Variants in WDR11 observed in about 807,000 individuals in gnomAD.
WDR11 encodes the protein WD repeat-containing protein 11.
Under a neutral mutation model 151.2 loss-of-function variants are expected in WDR11, and 83 were observed. The ratio of observed to expected loss-of-function variants is 0.55; its 90% CI spans 0.46 to 0.66. The LOEUF is 0.66. Ranked by LOEUF, WDR11 falls within the 30% of genes least tolerant of loss-of-function variation. WDR11 has a pLI of 0.00. For missense variants in WDR11, 1,301 were observed against 1,480.9 expected (o/e 0.88, Z 1.99); for synonymous variants, 484 against 533.1 (o/e 0.91, Z 1.27).
At chr10:120,887,670 T>C (rs980601865) in intron 16 of WDR11, among the ~76,000 whole-genome samples, 2 of 152,200 alleles carry the variant, frequency 1.3e-5, no homozygotes, top group African/African-American at 4.8e-5. Flanking sequence ...CTATTGCACA[T>C]TAATGCTGGC....
chr10:120,859,559 G>A (rs1049541819), intron 3 of WDR11, among the ~76,000 whole-genome samples: 11 of 151,962 alleles, frequency 7.2e-5, no homozygotes, highest in South Asian at 2.1e-4. Context: ...GAACCACTGC[G>A]CCCTGCCCAG....
chr10:120,902,054 C>T (rs1477231254), intron 21 of WDR11, among the ~76,000 whole-genome samples: 3 of 152,208 alleles, frequency 2.0e-5, no homozygotes, highest in African/African-American at 7.2e-5. Context: ...CTGAAAGCTG[C>T]TGCTTCTCCA....
Position 120,878,353 on chromosome 10 carries a change from G to A in WDR11, c.1557G>A (p.Lys519=). 1.3e-6 allele frequency: 2 copies of A among 1,595,736 alleles called. No homozygotes were observed. The highest frequency in any genetic ancestry group is 1.7e-6 in the Non-Finnish European group (2 of 1,164,078). ...KELSIHSCEV[K]GIEWTSLTSF... ...ACCTTTATCTCATTTCCTATTATAG[G>A]GGTATTGAATGGACAAGTTTGACTA... The change falls in exon 12 of 29, where the codon AAG becomes AAA. Residue 519 remains lysine, a splice_region_variant and synonymous_variant. Transcript: ENST00000263461.
chr10:120,900,935 G>C (rs967894455), intron 20 of WDR11, 101 bp from the exon 21 acceptor site: 1 of 845,212 alleles, frequency 1.2e-6, no homozygotes, highest in Admixed American at 1.9e-5. Flanking sequence ...CAAGAACTAC[G>C]AAGAAGGTTA....
rs72842639 is a variant in WDR11, at chr10:120,904,866, A to G, written c.3193+55A>G. The G allele has an allele frequency of 0.01, 16,477 of 1,600,150 alleles. 106 individuals carry two copies. Among genetic ancestry groups the G allele is most frequent in the Middle Eastern group, 0.015 (90 of 6,034 alleles). ...CTCTGAAAAATGAGACCTTGTTCCC[A>G]GCAAAGTATCTGATTAGTAGGGACA... On this transcript the variant is annotated intron_variant, in intron 25 of 28. Coordinates refer to ENST00000263461, the MANE Select transcript of WDR11 (RefSeq NM_018117.12).
intron 9 of WDR11, among the ~76,000 whole-genome samples, chr10:120,869,105 GGTT>G (rs1351471977): frequency 8.4e-5 from 6 of 71,634 alleles, no homozygotes; most frequent in Non-Finnish European, 1.3e-4. Flanking sequence ...ATAAATTACA[GGTT>G]TTTTTTTTTT....
chr10:120,891,833 C>A (rs897811576), intron 19 of WDR11, among the ~76,000 whole-genome samples: 8 of 152,172 alleles, frequency 5.3e-5, no homozygotes, highest in Non-Finnish European at 1.0e-4. Flanking sequence ...TCACTGCCCA[C>A]CCCTGCCCAC....
chr10:120,889,631 G>T (rs1847351129), intron 17 of WDR11: 1 of 497,266 alleles, frequency 2.0e-6, no homozygotes, highest in Non-Finnish European at 3.7e-6. Context: ...GGACCCTTGG[G>T]TCCCTTCACC....
At chr10:120,889,732 G>T in intron 17 of WDR11, 163 bp from the exon 18 acceptor site, 1 of 661,190 alleles carries the variant, frequency 1.5e-6, no homozygotes, top group Non-Finnish European at 2.7e-6. Flanking sequence ...GACCTTAAAG[G>T]GCAGGCCCTT....
chr10:120,909,356 T>TC lies in WDR11; in HGVS notation c.*645dup, dbSNP rs1368068282. 1 of 153,494 alleles carries TC rather than the reference T, an allele frequency of 6.5e-6. No individual in the cohort carries two copies. The highest frequency in any genetic ancestry group is 1.5e-5 in the Non-Finnish European group (1 of 68,646). 9.5% of individuals were successfully genotyped at this position (153,494 alleles called of 1,614,324 possible). A position where few individuals can be genotyped will look rare whatever the true frequency, so the allele number is the denominator to read the frequency against. Reference sequence around the variant, plus strand: ...GGTCTTTGATATTTTGAATTTTAACTCCTTTTATGATACATCACAGTAACC... The same window carrying TC: ...GGTCTTTGATATTTTGAATTTTAACTCCCTTTTATGATACATCACAGTAACC... On this transcript the variant is annotated 3_prime_UTR_variant, in exon 29 of 29. Coordinates refer to ENST00000263461, the MANE Select transcript of WDR11 (RefSeq NM_018117.12).
intron 12 of WDR11, 106 bp from the exon 13 acceptor site, chr10:120,880,720 A>G: frequency 1.1e-6 from 1 of 951,776 alleles, no homozygotes; most frequent in Non-Finnish European, 1.6e-6. Flanking sequence ...ATAGGAGAAC[A>G]GAGGGTAGGA....
intron 4 of WDR11, among the ~76,000 whole-genome samples, chr10:120,861,824 G>A (rs1436184438): frequency 6.6e-6 from 1 of 152,128 alleles, no homozygotes; most frequent in African/African-American, 2.4e-5. Context: ...GGCATAATTT[G>A]TATTGCTAAA....
intron 13 of WDR11, among the ~76,000 whole-genome samples, chr10:120,882,912 T>A (rs1022666443): frequency 2.0e-5 from 3 of 151,894 alleles, no homozygotes; most frequent in African/African-American, 7.2e-5. Context: ...CTTAGATAAT[T>A]GAATTAAGTT....
rs776354573 is a variant in WDR11, at chr10:120,866,639, C to T, written c.1065C>T (p.Thr355=). 19 of 1,614,140 alleles carry T rather than the reference C, an allele frequency of 1.2e-5. No homozygotes were observed. Among genetic ancestry groups the T allele is most frequent in the South Asian group, 6.6e-5 (6 of 91,090 alleles). ...SQCDAIRVTK[T]VRPFSMVCCP... Reference sequence around the variant, plus strand: ...GTGATGCAATCAGGGTGACAAAAACCGTCCGTCCCTTCAGTATGGTGTGCT... The same window carrying T: ...GTGATGCAATCAGGGTGACAAAAACTGTCCGTCCCTTCAGTATGGTGTGCT... The change falls in exon 8 of 29, where the codon ACC becomes ACT. Residue 355 remains threonine (T), a synonymous_variant. Transcript: ENST00000263461.
chr10:120,865,085 C>T lies in WDR11; in HGVS notation c.752C>T (p.Ala251Val). 6.2e-7 allele frequency: 1 copy of T among 1,613,924 alleles called. No individual in the cohort carries two copies. Among genetic ancestry groups the T allele is most frequent in the Non-Finnish European group, 8.5e-7 (1 of 1,179,854 alleles). ...FITLNDCLQL[A>V]YLPSKRNHML... The stretch of plus-strand genomic sequence containing the variant: ...ACTCTCAATGATTGCCTTCAGTTGG[C>T]ATACCTGCCTTCAAAAAGGAATCAC... The change falls in exon 6 of 29, where the codon GCA (alanine) becomes GTA (valine). Residue 251 changes from alanine to valine, a missense_variant. Ala to Val is a moderately conservative substitution (Grantham distance 64, BLOSUM62 0). This residue lies in a region of WDR11 where 692 missense variants were observed against 762.5 expected (regional missense o/e 0.91). Coordinates refer to ENST00000263461, the MANE Select transcript of WDR11 (RefSeq NM_018117.12).
chr10:120,889,123 T>G lies in WDR11; in HGVS notation c.2167T>G (p.Leu723Val), dbSNP rs1564713714. 7 of 1,613,918 alleles carry G rather than the reference T, an allele frequency of 4.3e-6. No homozygotes were observed. The Admixed American group carries it at 5.0e-5, about 12-fold the overall frequency. The change falls in exon 17 of 29, where the codon TTA (leucine) becomes GTA (valine). Residue 723 changes from leucine to valine, a missense_variant. Around this residue, in one of 3 missense-constraint regions of WDR11, gnomAD observed 589 missense variants for 670.6 expected, o/e 0.88. Transcript: ENST00000263461. ...CTGCATCGCTTGGAAAGGTGATACATTAGTGCTTGGAGATATGGATGGAAA... is the reference window on the plus strand; with the variant it reads ...CTGCATCGCTTGGAAAGGTGATACAGTAGTGCTTGGAGATATGGATGGAAA... Reference protein sequence around the residue: ...ITCIAWKGDTLVLGDMDGNLN... With the variant: ...ITCIAWKGDTVVLGDMDGNLN...
At chr10:120,885,757 G>A (rs1022132177) in intron 14 of WDR11, 57 bp from the exon 15 acceptor site, 7 of 1,608,048 alleles carry the variant, frequency 4.4e-6, no homozygotes, top group African/African-American at 2.7e-5. Context: ...TCTTCTGGAC[G>A]ATTCTTTGAC....
chr10:120,881,596 A>G (rs993703090), intron 13 of WDR11, among the ~76,000 whole-genome samples: 3 of 152,062 alleles, frequency 2.0e-5, no homozygotes, highest in South Asian at 4.1e-4. Context: ...TAAGTCTTAC[A>G]TATTATTTGT....
intron 13 of WDR11, among the ~76,000 whole-genome samples, chr10:120,882,042 C>T (rs988614927): frequency 6.6e-6 from 1 of 151,908 alleles, no homozygotes; most frequent in African/African-American, 2.4e-5. Context: ...GTTTGCTGAG[C>T]CTTTGTATTA....
Sources: gnomAD v4.1 joint callset for allele counts (sites outside exome capture counted in the v4.1 genomes callset) on GRCh38, gnomAD v4.1.1 for gene constraint, gnomAD v4.1.1 regional missense constraint, MANE v1.5 for transcripts, NCBI Gene and HGNC (gene_info 2026-07-23, HGNC 2026-07-21) for gene names.